GNS: variants seen among roughly 807,000 people sequenced by gnomAD.
GNS encodes N-acetylglucosamine-6-sulfatase.
Under a neutral mutation model 69.7 loss-of-function variants are expected in GNS, and 40 were observed. The ratio of observed to expected loss-of-function variants is 0.57; its 90% CI spans 0.45 to 0.75. GNS has a LOEUF of 0.75. Among genes scored for constraint, GNS ranks in the 30% least tolerant of loss-of-function variants. The pLI is 0.00. For missense variants in GNS, 565 were observed against 685.5 expected (o/e 0.82, Z 1.96); for synonymous variants, 243 against 251.6 (o/e 0.97, Z 0.32).
chr12:64,718,705 C>T (rs944401820), intron 13 of GNS, among the ~76,000 whole-genome samples: 2 of 152,230 alleles, frequency 1.3e-5, no homozygotes, highest in Admixed American at 6.5e-5. Flanking sequence ...CCTTGACCCT[C>T]CATTTAAGAT....
At chr12:64,740,747 G>A in intron 6 of GNS, 59 bp from the exon 7 acceptor site, 1 of 817,544 alleles carries the variant, frequency 1.2e-6, no homozygotes. Flanking sequence ...ACAAACTACT[G>A]GATTACTACA....
intron 1 of GNS, among the ~76,000 whole-genome samples, chr12:64,755,840 G>A (rs559329695): frequency 1.1e-4 from 16 of 150,454 alleles, no homozygotes; most frequent in African/African-American, 3.2e-4. Flanking sequence ...CACCATGCCC[G>A]GCCAATTTTT....
intron 6 of GNS, among the ~76,000 whole-genome samples, chr12:64,741,518 T>C (rs1474495978): frequency 6.6e-6 from 1 of 152,076 alleles, no homozygotes; most frequent in African/African-American, 2.4e-5. Flanking sequence ...ACTCCTGGCC[T>C]CAGGTGATCC....
At position 64,723,428 on chromosome 12, in the gene GNS, G is replaced by A. The variant is rs1047554511; in HGVS notation, c.1201-315C>T. Among the ~76,000 whole-genome samples, 41 of 152,334 alleles carry A rather than the reference G, an allele frequency of 2.7e-4. 1 individual carries two copies. The highest frequency in any genetic ancestry group is 2.5e-3 in the Admixed American group (38 of 15,308). ...AATCAAAGTCACAGTGCAAGTTGCT[G>A]AAAGTCCAGACTAGAATAAATAATA... On this transcript the variant is annotated intron_variant, in intron 10 of 13. Transcript: ENST00000258145.
chr12:64,716,965 G>T (rs1868880737), intron 13 of GNS, 146 bp from the exon 14 acceptor site: 4 of 698,762 alleles, frequency 5.7e-6, no homozygotes, highest in Non-Finnish European at 7.9e-6. Context: ...TACAAAACAT[G>T]AGCCCTCGAC....
At chr12:64,736,064 T>C (rs1481771281) in intron 9 of GNS, among the ~76,000 whole-genome samples, 1 of 152,254 alleles carries the variant, frequency 6.6e-6, no homozygotes, top group Non-Finnish European at 1.5e-5. Flanking sequence ...AAAGTGTGTA[T>C]TTGTTCATCT....
intron 13 of GNS, 125 bp downstream of exon 13, chr12:64,719,897 A>G: frequency 4.0e-6 from 3 of 751,718 alleles, no homozygotes; most frequent in Non-Finnish European, 7.2e-6. Context: ...TGCAATTAGA[A>G]CACAGTATTC....
At chr12:64,745,135 A>T (rs1374177274) in intron 4 of GNS, among the ~76,000 whole-genome samples, 1 of 151,898 alleles carries the variant, frequency 6.6e-6, no homozygotes, top group East Asian at 1.9e-4. Context: ...AGAAAAGCAA[A>T]CTACTTTGCT....
At chr12:64,745,533 T>C in intron 4 of GNS, 126 bp downstream of exon 4, 1 of 773,840 alleles carries the variant, frequency 1.3e-6, no homozygotes. Context: ...AGTCAATAAA[T>C]TTTAAGGTTT....
intron 9 of GNS, among the ~76,000 whole-genome samples, chr12:64,734,078 C>T (rs1869487043): frequency 6.6e-6 from 1 of 152,188 alleles, no homozygotes; most frequent in African/African-American, 2.4e-5. Context: ...ACTATGCTGC[C>T]AACACATGAT....
intron 1 of GNS, among the ~76,000 whole-genome samples, chr12:64,755,678 ATT>A (rs760719152): frequency 1.2e-4 from 16 of 129,308 alleles, no homozygotes; most frequent in Admixed American, 2.4e-4. Flanking sequence ...AGAGTAAATG[ATT>A]TTTTTTTTTT....
At chr12:64,724,676 G>A (rs890326825) in intron 10 of GNS, among the ~76,000 whole-genome samples, 1 of 152,056 alleles carries the variant, frequency 6.6e-6, no homozygotes, top group South Asian at 2.1e-4. Context: ...CGACCAACAT[G>A]GTGAAACCCC....
chr12:64,756,685 A>T, intron 1 of GNS: 1 of 1,292,216 alleles, frequency 7.7e-7, no homozygotes, highest in Non-Finnish European at 1.1e-6. Context: ...GCTCCAAGTA[A>T]GTTCTCAAAT....
In GNS at chr12:64,744,872, A is replaced by T; in HGVS notation, c.561T>A (p.Ser187=). ...KNSKYYNYTL[S]INGKARKHGE... Reference sequence around the variant, plus strand: ...CATGCTTCCGTGCCTTCCCATTGATAGACAGGGTGTAATTATAATACTTAG... The same window carrying T: ...CATGCTTCCGTGCCTTCCCATTGATTGACAGGGTGTAATTATAATACTTAG... Residue 187 remains serine (S), a synonymous_variant, in exon 5 of 14, where the codon TCT becomes TCA. Coordinates refer to ENST00000258145, the MANE Select transcript of GNS (RefSeq NM_002076.4). The T allele has an allele frequency of 6.5e-7, 1 of 1,546,020 alleles. No individual in the cohort carries two copies. The highest frequency in any genetic ancestry group is 8.9e-7 in the Non-Finnish European group (1 of 1,117,770).
intron 9 of GNS, among the ~76,000 whole-genome samples, chr12:64,732,133 C>T (rs2136242025): frequency 6.7e-6 from 1 of 149,614 alleles, no homozygotes; most frequent in South Asian, 2.1e-4. Flanking sequence ...ATTACAGGCA[C>T]CTGCCACCAC....
intron 9 of GNS, among the ~76,000 whole-genome samples, chr12:64,732,628 T>G (rs1224442564): frequency 6.6e-6 from 1 of 150,960 alleles, no homozygotes; most frequent in East Asian, 2.0e-4. Context: ...ACCTGGCTAA[T>G]TTTTTGTATT....
chr12:64,719,495 A>G (rs1255578583), intron 13 of GNS, among the ~76,000 whole-genome samples: 1 of 152,220 alleles, frequency 6.6e-6, no homozygotes, highest in Non-Finnish European at 1.5e-5. Context: ...GGTGACAGCT[A>G]AACATCCTTT....
At chr12:64,720,249 G>C in intron 12 of GNS, 67 bp from the exon 13 acceptor site, 2 of 1,056,494 alleles carry the variant, frequency 1.9e-6, no homozygotes, top group Non-Finnish European at 1.5e-6. Flanking sequence ...TACTCTTAAC[G>C]TGACTTATTT....
chr12:64,749,181 C>T (rs568714536), intron 2 of GNS, among the ~76,000 whole-genome samples: 10 of 149,784 alleles, frequency 6.7e-5, no homozygotes, highest in Admixed American at 1.3e-4. Context: ...CCTCATGATC[C>T]ACCTGCCTCG....
Sources: allele counts gnomAD v4.1 joint callset (sites outside exome capture counted in the v4.1 genomes callset), GRCh38; gene constraint gnomAD v4.1.1; transcripts MANE v1.5; gene names NCBI Gene and HGNC (gene_info 2026-07-23, HGNC 2026-07-21).